Variants in LRP1B observed in about 807,000 individuals in gnomAD.
The protein encoded by LRP1B is low-density lipoprotein receptor-related protein 1B.
A neutral mutation model predicts 556.6 loss-of-function variants in LRP1B; 217 were observed. The observed-to-expected ratio is 0.39, with a 90% confidence interval of 0.35 to 0.44. The LOEUF is 0.44. Among genes scored for constraint, LRP1B ranks in the 20% least tolerant of loss-of-function variants. The pLI, the probability that LRP1B is intolerant of heterozygous loss-of-function variation, is 1.00. For synonymous variants in LRP1B, 2,047 were observed against 1,865.8 expected (o/e 1.10, Z -2.50); for missense variants, 5,053 against 5,620.8 (o/e 0.90, Z 3.23).
intron 89 of LRP1B, among the ~76,000 whole-genome samples, chr2:140,235,981 T>C (rs772919451): frequency 6.6e-6 from 1 of 151,104 alleles, no homozygotes; most frequent in Non-Finnish European, 1.5e-5. Flanking sequence ...GTGTAAAATA[T>C]GTATCATGTC....
chr2:140,286,795 ATAT>A (rs1683169910), intron 84 of LRP1B, among the ~76,000 whole-genome samples: 1 of 151,864 alleles, frequency 6.6e-6, no homozygotes, highest in African/African-American at 2.4e-5. Context: ...TTATGTATAT[ATAT>A]TATCATCATA....
rs2104870774 is a variant in LRP1B, at chr2:140,233,262, G to A, written c.13724C>T (p.Ser4575Phe). Residue 4575 changes from serine (S) to phenylalanine (F), a missense_variant, in exon 91 of 91, where the codon TCC becomes TTC. By Grantham distance (155) the Ser-to-Phe change is radical (BLOSUM62 -2). Around this residue, in one of 5 missense-constraint regions of LRP1B, gnomAD observed 551 missense variants for 592.0 expected, o/e 0.93. Transcript: ENST00000389484. ...LYMDGQNCRN[S>F]LGSVDERKEL... ...TTTCCTTTCATCAACACTTCCTAAG[G>A]AGTTTCGACAGTTTTGCCCATCCAT... 1 of 1,605,290 alleles carries A rather than the reference G, an allele frequency of 6.2e-7. No individual in the cohort carries two copies. The highest frequency in any genetic ancestry group is 8.5e-7 in the Non-Finnish European group (1 of 1,174,284).
chr2:141,635,742 C>T (rs1436851364), intron 2 of LRP1B, among the ~76,000 whole-genome samples: 3 of 152,156 alleles, frequency 2.0e-5, no homozygotes, highest in Non-Finnish European at 2.9e-5. Flanking sequence ...CAACTTTCCA[C>T]GTGGATTTTC....
intron 2 of LRP1B, among the ~76,000 whole-genome samples, chr2:141,809,938 A>G (rs1267143505): frequency 6.6e-6 from 1 of 151,870 alleles, no homozygotes; most frequent in Non-Finnish European, 1.5e-5. Context: ...ATTTTTTTCT[A>G]GTGTTAACAC....
At chr2:142,109,577 G>T (rs918532427) in intron 1 of LRP1B, among the ~76,000 whole-genome samples, 14 of 152,188 alleles carry the variant, frequency 9.2e-5, no homozygotes, top group African/African-American at 9.6e-5. Flanking sequence ...TTTAAGAAAT[G>T]ATATTCTTCC....
chr2:141,825,457 T>A (rs755278358), intron 1 of LRP1B, among the ~76,000 whole-genome samples: 118 of 152,194 alleles, frequency 7.8e-4, no homozygotes, highest in Non-Finnish European at 3.5e-4. Context: ...AATAAGTCTC[T>A]AAAATGGATG....
intron 6 of LRP1B, among the ~76,000 whole-genome samples, chr2:141,212,435 C>A (rs535958065): frequency 1.3e-5 from 2 of 149,648 alleles, no homozygotes; most frequent in Non-Finnish European, 3.0e-5. Flanking sequence ...TCCACCACCA[C>A]GCCCGGATAA....
intron 1 of LRP1B, among the ~76,000 whole-genome samples, chr2:142,048,422 T>C (rs1483767100): frequency 1.3e-5 from 2 of 152,108 alleles, no homozygotes. Flanking sequence ...TAGCCTACTT[T>C]TGCAGTTTCA....
At chr2:141,483,095 T>C (rs1318954744) in intron 2 of LRP1B, among the ~76,000 whole-genome samples, 1 of 149,552 alleles carries the variant, frequency 6.7e-6, no homozygotes, top group Non-Finnish European at 1.5e-5. Context: ...GTGTATCTCC[T>C]AATGCTATCC....
chr2:141,146,792 A>G (rs1701794718), intron 7 of LRP1B, among the ~76,000 whole-genome samples: 1 of 152,058 alleles, frequency 6.6e-6, no homozygotes, highest in Non-Finnish European at 1.5e-5. Flanking sequence ...TTTTCCTGCT[A>G]TTTTTTACTT....
At chr2:142,036,759 C>T (rs903382086) in intron 1 of LRP1B, among the ~76,000 whole-genome samples, 3 of 151,640 alleles carry the variant, frequency 2.0e-5, no homozygotes, top group African/African-American at 7.3e-5. Context: ...TATCCAACTA[C>T]CTCAGCAAAG....
At chr2:141,741,364 A>G (rs1450037138) in intron 2 of LRP1B, among the ~76,000 whole-genome samples, 1 of 130,084 alleles carries the variant, frequency 7.7e-6, no homozygotes, top group African/African-American at 3.0e-5. Flanking sequence ...AGTTTTTTTG[A>G]GGAGCCTCCA....
chr2:142,074,393 C>T (rs933929697), intron 1 of LRP1B, among the ~76,000 whole-genome samples: 1 of 152,006 alleles, frequency 6.6e-6, no homozygotes, highest in African/African-American at 2.4e-5. Flanking sequence ...CAAGATGATG[C>T]TAATTCTCAA....
At chr2:140,372,926 G>A (rs2105170608) in intron 69 of LRP1B, 82 bp downstream of exon 69, 1 of 1,465,340 alleles carries the variant, frequency 6.8e-7, no homozygotes, top group Non-Finnish European at 9.4e-7. Flanking sequence ...ATTTGCCACT[G>A]TTTTCTGCAT....
intron 82 of LRP1B, among the ~76,000 whole-genome samples, chr2:140,316,526 TTGTATTTGTAATA>T (rs1684525620): frequency 6.6e-6 from 1 of 150,954 alleles, no homozygotes; most frequent in South Asian, 2.1e-4. Flanking sequence ...TTACTGAAGT[TTGTATTTGTAATA>T]TGAATAACTC....
intron 7 of LRP1B, among the ~76,000 whole-genome samples, chr2:141,103,585 A>G (rs1223687986): frequency 6.6e-6 from 1 of 150,518 alleles, no homozygotes; most frequent in African/African-American, 2.5e-5. Flanking sequence ...TTTTCCATAA[A>G]GAAATGTGCA....
At chr2:141,072,072 A>G (rs1699660905) in intron 7 of LRP1B, among the ~76,000 whole-genome samples, 1 of 152,016 alleles carries the variant, frequency 6.6e-6, no homozygotes, top group Admixed American at 6.6e-5. Context: ...ACAGGCTAAC[A>G]TTTTGTCCAC....
At chr2:140,693,194 T>C (rs1446785239) in intron 41 of LRP1B, among the ~76,000 whole-genome samples, 1 of 152,176 alleles carries the variant, frequency 6.6e-6, no homozygotes, top group Admixed American at 6.5e-5. Flanking sequence ...TAAAGACAAT[T>C]GTGTCAAGGA....
chr2:140,514,627 T>C (rs753538668), intron 51 of LRP1B, 26 bp downstream of exon 51: 10 of 1,590,744 alleles, frequency 6.3e-6, no homozygotes, highest in African/African-American at 2.7e-5. Flanking sequence ...TAAAAACTGA[T>C]TGAGGACAGA....
Sources: gnomAD v4.1 joint callset for allele counts (sites outside exome capture counted in the v4.1 genomes callset) on GRCh38, gnomAD v4.1.1 for gene constraint, gnomAD v4.1.1 regional missense constraint, MANE v1.5 for transcripts, NCBI Gene and HGNC (gene_info 2026-07-23, HGNC 2026-07-21) for gene names.